The following ADPRH variants were observed in gnomAD, a reference collection of about 807,000 sequenced individuals.
The protein encoded by ADPRH is ADP-ribose-L-arginine cleaving enzyme.
ADPRH carries 27 observed loss-of-function variants against 28.8 expected under a neutral mutation model. The ratio of observed to expected loss-of-function variants is 0.94; its 90% CI spans 0.69 to 1.29. The LOEUF (loss-of-function observed/expected upper bound fraction) is 1.29. Ranked by LOEUF, ADPRH falls within the 50% of genes most tolerant of loss-of-function variation. ADPRH has a pLI of 0.00. For synonymous variants in ADPRH, 161 were observed against 166.9 expected (o/e 0.96, Z 0.27); for missense variants, 419 against 444.8 (o/e 0.94, Z 0.52).
At chr3:119,582,038 G>A (rs189643544) in intron 2 of ADPRH, 96 bp from the exon 3 acceptor site, 177 of 925,764 alleles carry the variant, frequency 1.9e-4, no homozygotes, top group South Asian at 1.7e-3. Context: ...ATGTCTGCAA[G>A]TAGTGAGTGC....
At chr3:119,586,669 G>GC (rs1269885309) in intron 4 of ADPRH, 24 bp downstream of exon 4, 2 of 1,606,634 alleles carry the variant, frequency 1.2e-6, no homozygotes, top group African/African-American at 2.7e-5. Flanking sequence ...CGCACGCCCT[G>GC]CTCAAACACG....
At position 119,582,129 on chromosome 3, in the gene ADPRH, C is replaced by T. The variant is rs369666515; in HGVS notation, c.-36-5C>T. On this transcript the variant is annotated splice_polypyrimidine_tract_variant and splice_region_variant and intron_variant, in intron 2 of 4. Coordinates refer to ENST00000357003, the MANE Select transcript of ADPRH (RefSeq NM_001125.4). ...TATTTCCTTTGTCTTAATTTCCCCA[C>T]AAAGACACCCTCTCCAGAGCCCAGC... The T allele has an allele frequency of 9.3e-6, 14 of 1,512,480 alleles. No individual in the cohort carries two copies. The East Asian group carries it at 1.4e-4, about 15-fold the overall frequency. The allele number at this position is 1,512,480 out of a possible 1,614,324, so 93.7% of individuals were successfully genotyped here.
intron 3 of ADPRH, among the ~76,000 whole-genome samples, chr3:119,584,520 G>A (rs563682356): frequency 2.0e-5 from 3 of 152,194 alleles, no homozygotes; most frequent in East Asian, 1.9e-4. Flanking sequence ...CCAAGATCGC[G>A]CCATTGGACT....
In ADPRH at chr3:119,579,783, G is replaced by T. The variant is rs13324934; in HGVS notation, c.-191G>T. 6,638 of 153,728 alleles carry T rather than the reference G, an allele frequency of 0.043. 172 individuals are homozygous for T. The highest frequency in any genetic ancestry group is 0.084 in the Middle Eastern group (25 of 296). 9.5% of individuals were successfully genotyped at this position (153,728 alleles called of 1,614,324 possible). On this transcript the variant is annotated 5_prime_UTR_variant, in exon 1 of 5. Transcript: ENST00000357003. ...CCCTCGTCCACCCGCAGCAGCCAAG[G>T]CCTCTTCCCCGGCCCCGGGAGCCCG...
intron 3 of ADPRH, among the ~76,000 whole-genome samples, chr3:119,585,782 C>T (rs1490588693): frequency 6.6e-6 from 1 of 152,200 alleles, no homozygotes; most frequent in Non-Finnish European, 1.5e-5. Context: ...ATCTCCTGAC[C>T]TCGTGATCTG....
At position 119,585,706 on chromosome 3, in the gene ADPRH, C is replaced by T. The variant is rs569488027; in HGVS notation, c.299-579C>T. Among the ~76,000 whole-genome samples, 32 of 152,286 alleles carry T rather than the reference C, an allele frequency of 2.1e-4. No individual in the cohort carries two copies. The Middle Eastern group carries it at 0.01, about 49-fold the overall frequency. ...CTGGGACTACAGGCATGTGTCACCA[C>T]GCCCGGCTAGTTTTTTGTATTTTTA... On this transcript the variant is annotated intron_variant, in intron 3 of 4. Coordinates refer to ENST00000357003, the MANE Select transcript of ADPRH (RefSeq NM_001125.4).
Position 119,586,639 on chromosome 3 carries a change from A to G in ADPRH, c.653A>G (p.Gln218Arg), listed in dbSNP as rs1296854301. The G allele has an allele frequency of 8.1e-6, 13 of 1,613,322 alleles. No individual in the cohort carries two copies. The highest frequency in any genetic ancestry group is 1.0e-5 in the Non-Finnish European group (12 of 1,179,874). ...GGCTACTTTGTAGAGGAAAATCTTC[A>G]ACACTGGTGAGTCTGTAAGCGCACG... ...QSGYFVEENLQHWSYFQTKWE... is the reference protein window; with the variant it reads ...QSGYFVEENLRHWSYFQTKWE... The change falls in exon 4 of 5, where the codon CAA (glutamine) becomes CGA (arginine). Residue 218 changes from glutamine (Q) to arginine (R), a missense_variant. Gln to Arg is a conservative substitution (Grantham distance 43). Transcript: ENST00000357003.
chr3:119,586,048 G>T (rs2082455492), intron 3 of ADPRH, among the ~76,000 whole-genome samples: 1 of 152,226 alleles, frequency 6.6e-6, no homozygotes, highest in African/African-American at 2.4e-5. Flanking sequence ...GACTGGTAAA[G>T]ATTCCAAGGA....
rs2082486169 is a variant in ADPRH at position 119,588,463 on chromosome 3, C to T, written c.*585C>T. ...TATTTATCCACTGACTTCCATCTGA[C>T]ACTGGTTGAGGACCACTGCCAGGGA... On this transcript the variant is annotated 3_prime_UTR_variant, in exon 5 of 5. Transcript: ENST00000357003. 1 of 152,294 alleles carries T rather than the reference C, an allele frequency of 6.6e-6. No individual in the cohort carries two copies. The highest frequency in any genetic ancestry group is 2.1e-4 in the South Asian group (1 of 4,834). The allele number at this position is 152,294 out of a possible 1,614,324, so 9.4% of individuals were successfully genotyped here.
intron 4 of ADPRH, 61 bp from the exon 5 acceptor site, chr3:119,587,403 T>G: frequency 7.1e-7 from 1 of 1,406,918 alleles, no homozygotes; most frequent in Non-Finnish European, 9.5e-7. Flanking sequence ...ATCTGGTGCT[T>G]TTTGTTATGA....
At chr3:119,587,150 T>A (rs2082469687) in intron 4 of ADPRH, among the ~76,000 whole-genome samples, 1 of 152,224 alleles carries the variant, frequency 6.6e-6, no homozygotes. Context: ...TGTCTTGAAG[T>A]TCCCCTTTAA....
chr3:119,588,958 G>A lies in ADPRH; in HGVS notation c.*1080G>A, dbSNP rs763988464. 1 of 152,126 alleles carries A rather than the reference G, an allele frequency of 6.6e-6. No individual in the cohort carries two copies. Among genetic ancestry groups the A allele is most frequent in the African/African-American group, 2.4e-5 (1 of 41,400 alleles). 9.4% of individuals were successfully genotyped at this position (152,126 alleles called of 1,614,324 possible). On this transcript the variant is annotated 3_prime_UTR_variant, in exon 5 of 5. Transcript: ENST00000357003. ...CATTACCCTCCAGAGTTATGTTTAC[G>A]AATAACAAATTGACCATGCTAAACT...
intron 4 of ADPRH, 62 bp downstream of exon 4, chr3:119,586,707 G>A: frequency 1.3e-6 from 2 of 1,583,714 alleles, no homozygotes; most frequent in South Asian, 2.3e-5. Flanking sequence ...ACATCCACCT[G>A]CACATATATG....
Position 119,582,358 on chromosome 3 carries a change from A to G in ADPRH, c.189A>G (p.Thr63=). 5 of 1,614,256 alleles carry G rather than the reference A, an allele frequency of 3.1e-6. No individual in the cohort carries two copies. Among genetic ancestry groups the G allele is most frequent in the Non-Finnish European group, 4.2e-6 (5 of 1,180,034 alleles). ...ACGACACAGTGATGCACTTGGCCAC[A>G]GCAGAAGCTCTTGTGGAAGCTGGGA... ...VSDDTVMHLA[T]AEALVEAGKA... is the part of the protein sequence containing the mutation. The change falls in exon 3 of 5, where the codon ACA becomes ACG. Residue 63 remains threonine (T), a synonymous_variant. Transcript: ENST00000357003.
chr3:119,583,737 G>A (rs1200332984), intron 3 of ADPRH, among the ~76,000 whole-genome samples: 1 of 151,836 alleles, frequency 6.6e-6, no homozygotes, highest in African/African-American at 2.4e-5. Flanking sequence ...CATAGCAAAA[G>A]CCTGTCTTTA....
At position 119,586,566 on chromosome 3, in the gene ADPRH, G is replaced by C; in HGVS notation, c.580G>C (p.Gly194Arg). Residue 194 changes from glycine to arginine, a missense_variant, in exon 4 of 5, where the codon GGA (glycine) becomes CGA (arginine). Transcript: ENST00000357003. Reference protein sequence around the residue: ...NSRPPLQWGKGLMELLPEAKK... With the variant: ...NSRPPLQWGKRLMELLPEAKK... ...CAGACCACCCTTGCAGTGGGGAAAA[G>C]GACTGATGGAGCTGCTACCAGAAGC... 6.2e-7 allele frequency: 1 copy of C among 1,614,120 alleles called. No individual in the cohort carries two copies. The highest frequency in any genetic ancestry group is 1.3e-5 in the African/African-American group (1 of 75,060).
rs575459268 is a variant in ADPRH at position 119,586,462 on chromosome 3, G to A, written c.476G>A (p.Gly159Asp). 14 of 1,614,204 alleles carry A rather than the reference G, an allele frequency of 8.7e-6. No homozygotes were observed. In the African/African-American group the frequency reaches 1.9e-4, roughly 22 times the overall value. Residue 159 changes from glycine (G) to aspartate (D), a missense_variant, in exon 4 of 5, where the codon GGT becomes GAT. By Grantham distance (94) the Gly-to-Asp change is moderately conservative. Coordinates refer to ENST00000357003, the MANE Select transcript of ADPRH (RefSeq NM_001125.4). ...DTLIQVSIES[G>D]RMTHHHPTGY... Reference sequence around the variant, plus strand: ...CTGATCCAAGTGAGCATCGAGAGTGGTCGGATGACCCACCACCACCCAACA... The same window carrying A: ...CTGATCCAAGTGAGCATCGAGAGTGATCGGATGACCCACCACCACCCAACA...
rs771324233 is a variant in ADPRH at position 119,586,494 on chromosome 3, C to T, written c.508C>T (p.Leu170=). The T allele has an allele frequency of 6.7e-5, 108 of 1,614,148 alleles. No individual in the cohort carries two copies. Among genetic ancestry groups the T allele is most frequent in the Non-Finnish European group, 8.7e-5 (103 of 1,180,060 alleles). The change falls in exon 4 of 5, where the codon CTG becomes TTG. Residue 170 remains leucine, a synonymous_variant. Transcript: ENST00000357003. ...RMTHHHPTGY[L]GALASALFTA... ...GACCCACCACCACCCAACAGGCTAC[C>T]TGGGGGCCCTTGCGTCTGCTCTTTT...
chr3:119,580,242 G>A (rs918868524), intron 1 of ADPRH: 3 of 152,230 alleles, frequency 2.0e-5, no homozygotes, highest in East Asian at 1.9e-4. Context: ...GAGGGTATGG[G>A]GGGTTAAAGT....
Sources: gnomAD v4.1 joint callset for allele counts (sites outside exome capture counted in the v4.1 genomes callset) on GRCh38, gnomAD v4.1.1 for gene constraint, MANE v1.5 for transcripts, NCBI Gene and HGNC (gene_info 2026-07-23, HGNC 2026-07-21) for gene names.